Variants in TRIM35 observed in about 807,000 individuals in gnomAD.
The protein encoded by TRIM35 is tripartite motif containing 35.
TRIM35 carries 37 observed loss-of-function variants against 49.1 expected under a neutral mutation model. The observed-to-expected ratio is 0.75, with a 90% CI of 0.58 to 0.99. The LOEUF (loss-of-function observed/expected upper bound fraction) is 0.99, where lower values mean the gene tolerates loss of function less well. TRIM35 is among the 50% of genes least tolerant of loss of function. TRIM35 has a pLI of 0.00. For synonymous variants in TRIM35, 302 were observed against 289.3 expected (o/e 1.04, Z -0.45); for missense variants, 648 against 702.7 (o/e 0.92, Z 0.88).
At chr8:27,288,828 T>C (rs143988264) in intron 5 of TRIM35, among the ~76,000 whole-genome samples, 1,662 of 152,236 alleles carry the variant, frequency 0.011, 29 homozygotes, top group African/African-American at 0.035. Flanking sequence ...GCAGTCGCCT[T>C]AGGAGAGGCA....
In TRIM35 at chr8:27,287,460, G is replaced by A. The variant is rs562895274; in HGVS notation, c.*90C>T. 32 of 1,342,538 alleles carry A rather than the reference G, an allele frequency of 2.4e-5. No homozygotes were observed. The highest frequency in any genetic ancestry group is 2.4e-4 in the Middle Eastern group (1 of 4,204). The allele number at this position is 1,342,538 out of a possible 1,614,324, so 83.2% of individuals were successfully genotyped here. On this transcript the variant is annotated 3_prime_UTR_variant, in exon 6 of 6. Coordinates refer to ENST00000305364, the MANE Select transcript of TRIM35 (RefSeq NM_171982.5). This position sits in a 1 kb window ranked among gnomAD's most constrained non-coding sequence, Gnocchi z 6.0. ...GGAAGAGCCTGGCAAGGAGGCAGGG[G>A]CGCAATAGTGCCCAAGCAGTGTGGG...
chr8:27,308,863 C>T (rs1161936338), intron 1 of TRIM35, among the ~76,000 whole-genome samples: 3 of 152,168 alleles, frequency 2.0e-5, no homozygotes, highest in South Asian at 2.1e-4. Flanking sequence ...GGTGAGCCAC[C>T]GGCCTCCTGG....
Position 27,298,545 on chromosome 8 carries a change from G to A in TRIM35, c.450C>T (p.Asn150=). 3.7e-6 allele frequency: 6 copies of A among 1,614,212 alleles called. No individual in the cohort carries two copies. The highest frequency in any genetic ancestry group is 1.3e-5 in the African/African-American group (1 of 75,072). The change falls in exon 2 of 6, where the codon AAC becomes AAT. Residue 150 remains asparagine, a synonymous_variant. Transcript: ENST00000305364. Reference sequence around the variant, plus strand: ...CCTTCTCCCGCAGTGCATGCTCCATGTTCCTGCACTTGGCCTGACATGGGA... The same window carrying A: ...CCTTCTCCCGCAGTGCATGCTCCATATTCCTGCACTTGGCCTGACATGGGA... ...TAHDFRAKCR[N]MEHALREKAK...
At chr8:27,293,879 TAACA>T (rs1371428242) in intron 3 of TRIM35, among the ~76,000 whole-genome samples, 197 bp downstream of exon 3, 1 of 151,782 alleles carries the variant, frequency 6.6e-6, no homozygotes, top group Non-Finnish European at 1.5e-5. Flanking sequence ...GAGGAAGAAA[TAACA>T]GGGTTTCAAG....
At chr8:27,310,156 C>G (rs574021753) in intron 1 of TRIM35, among the ~76,000 whole-genome samples, 3 of 152,266 alleles carry the variant, frequency 2.0e-5, no homozygotes, top group Non-Finnish European at 4.4e-5. Flanking sequence ...TAACCCTTAT[C>G]TTCTATTCAT....
At position 27,287,347 on chromosome 8, in the gene TRIM35, G is replaced by A. The variant is rs936915887; in HGVS notation, c.*203C>T. 1.0e-5 allele frequency: 6 copies of A among 575,480 alleles called. No homozygotes were observed. The highest frequency in any genetic ancestry group is 2.7e-5 in the South Asian group (1 of 37,396). The allele number at this position is 575,480 out of a possible 1,614,324, so 35.6% of individuals were successfully genotyped here. A position where few individuals can be genotyped will look rare whatever the true frequency, so the allele number is the denominator to read the frequency against. ...GAGCCTGGCCAGCGAGGTGCCACCC[G>A]AATAGCTCCTGACCATGGGCACAGA... On this transcript the variant is annotated 3_prime_UTR_variant, in exon 6 of 6. Coordinates refer to ENST00000305364, the MANE Select transcript of TRIM35 (RefSeq NM_171982.5). This position sits in a 1 kb window ranked among gnomAD's most constrained non-coding sequence, Gnocchi z 6.0.
At chr8:27,289,138 AC>A in intron 5 of TRIM35, 23 bp downstream of exon 5, 1 of 1,599,622 alleles carries the variant, frequency 6.3e-7, no homozygotes, top group Non-Finnish European at 8.6e-7. Context: ...CATGCTTGGG[AC>A]ACCTGCCGGC....
chr8:27,289,896 C>A (rs1309762590), intron 4 of TRIM35, among the ~76,000 whole-genome samples: 1 of 152,194 alleles, frequency 6.6e-6, no homozygotes. Context: ...GGATAGTGTT[C>A]TCCTTCCCTG....
intron 1 of TRIM35, among the ~76,000 whole-genome samples, chr8:27,299,255 G>T (rs1802636656): frequency 6.6e-6 from 1 of 152,126 alleles, no homozygotes; most frequent in Non-Finnish European, 1.5e-5. Context: ...GAGTGTTTTA[G>T]GTTGGATTCC....
At position 27,287,455 on chromosome 8, in the gene TRIM35, C is replaced by G; in HGVS notation, c.*95G>C. 2.3e-6 allele frequency: 3 copies of G among 1,306,974 alleles called. No homozygotes were observed. The South Asian group carries it at 4.6e-5, about 20-fold the overall frequency. The allele number at this position is 1,306,974 out of a possible 1,614,324, so 81.0% of individuals were successfully genotyped here. On this transcript the variant is annotated 3_prime_UTR_variant, in exon 6 of 6. Coordinates refer to ENST00000305364, the MANE Select transcript of TRIM35 (RefSeq NM_171982.5). This position sits in a 1 kb window ranked among gnomAD's most constrained non-coding sequence, Gnocchi z 6.0. ...CAGGAGGAAGAGCCTGGCAAGGAGG[C>G]AGGGGCGCAATAGTGCCCAAGCAGT...
In TRIM35 at chr8:27,287,404, G is replaced by A; in HGVS notation, c.*146C>T. The A allele has an allele frequency of 2.3e-6, 2 of 869,366 alleles. No individual in the cohort carries two copies. Among genetic ancestry groups the A allele is most frequent in the Non-Finnish European group, 1.7e-6 (1 of 576,080 alleles). The allele number at this position is 869,366 out of a possible 1,614,324, so 53.9% of individuals were successfully genotyped here. A position where few individuals can be genotyped will look rare whatever the true frequency, so the allele number is the denominator to read the frequency against. The stretch of plus-strand genomic sequence containing the variant: ...CAAACATGGAGAGAGGCACAGCCTG[G>A]AGTCATGGAAAAGGACCAGGCAGGA... On this transcript the variant is annotated 3_prime_UTR_variant, in exon 6 of 6. Coordinates refer to ENST00000305364, the MANE Select transcript of TRIM35 (RefSeq NM_171982.5). The surrounding 1 kb of genome is among the most constrained non-coding windows in gnomAD (Gnocchi z 6.0).
In TRIM35 at chr8:27,285,222, G is replaced by C. The variant is rs1802286241; in HGVS notation, c.*2328C>G. On this transcript the variant is annotated 3_prime_UTR_variant, in exon 6 of 6. Coordinates refer to ENST00000305364, the MANE Select transcript of TRIM35 (RefSeq NM_171982.5). ...TAAAAGATAGATAATAAAAAGCACT[G>C]AGGGATGTGGAGTCATCAGAACCCT... 6.6e-6 allele frequency: 1 copy of C among 152,202 alleles called. No homozygotes were observed. Among genetic ancestry groups the C allele is most frequent in the Non-Finnish European group, 1.5e-5 (1 of 68,040 alleles). 9.4% of individuals were successfully genotyped at this position (152,202 alleles called of 1,614,324 possible). A position where few individuals can be genotyped will look rare whatever the true frequency, so the allele number is the denominator to read the frequency against.
At chr8:27,293,194 T>C (rs1802489588) in intron 3 of TRIM35, among the ~76,000 whole-genome samples, 1 of 151,900 alleles carries the variant, frequency 6.6e-6, no homozygotes, top group African/African-American at 2.4e-5. Context: ...CCCACTCCAC[T>C]CTACAGCGAC....
chr8:27,310,993 C>T lies in TRIM35; in HGVS notation c.243G>A (p.Lys81=). Residue 81 remains lysine (K), a synonymous_variant, in exon 1 of 6, where the codon AAG becomes AAA. Coordinates refer to ENST00000305364, the MANE Select transcript of TRIM35 (RefSeq NM_171982.5). ...TNHTLNNLVE[K]LLREEAEGAR... is the part of the protein sequence containing the mutation. ...CGCCCTCGGCCTCCTCGCGCAGCAG[C>T]TTCTCCACCAGGTTGTTGAGGGTGT... The T allele has an allele frequency of 6.2e-7, 1 of 1,611,976 alleles. No homozygotes were observed. Among genetic ancestry groups the T allele is most frequent in the Non-Finnish European group, 8.5e-7 (1 of 1,179,346 alleles).
At chr8:27,292,362 T>C (rs900466060) in intron 3 of TRIM35, among the ~76,000 whole-genome samples, 2 of 152,194 alleles carry the variant, frequency 1.3e-5, no homozygotes, top group African/African-American at 4.8e-5. Context: ...TCCATGACAC[T>C]TGCATAATGA....
intron 1 of TRIM35, among the ~76,000 whole-genome samples, chr8:27,308,945 C>G (rs941530646): frequency 6.6e-5 from 10 of 152,226 alleles, no homozygotes; most frequent in Non-Finnish European, 1.3e-4. Flanking sequence ...CAGGCTTTCC[C>G]ACTTCTGGAC....
chr8:27,298,360 C>G, intron 2 of TRIM35, 104 bp downstream of exon 2: 1 of 1,068,500 alleles, frequency 9.4e-7, no homozygotes, highest in Non-Finnish European at 1.4e-6. Flanking sequence ...CGACCTCTAC[C>G]CAGCGGGTTA....
At chr8:27,306,159 AT>A (rs1280505556) in intron 1 of TRIM35, among the ~76,000 whole-genome samples, 1 of 152,050 alleles carries the variant, frequency 6.6e-6, no homozygotes, top group Non-Finnish European at 1.5e-5. Context: ...AGATGTAACC[AT>A]TCCATCACAA....
intron 1 of TRIM35, among the ~76,000 whole-genome samples, chr8:27,303,594 C>A (rs1395193297): frequency 6.6e-6 from 1 of 152,236 alleles, no homozygotes; most frequent in Non-Finnish European, 1.5e-5. Context: ...CAGGGGCCCA[C>A]AACAGATCTG....
Sources: allele counts gnomAD v4.1 joint callset (sites outside exome capture counted in the v4.1 genomes callset), GRCh38; gene constraint gnomAD v4.1.1; non-coding constraint Gnocchi (gnomAD v3.1); transcripts MANE v1.5; gene names NCBI Gene and HGNC (gene_info 2026-07-23, HGNC 2026-07-21).